SCLT1: variants seen among roughly 807,000 people sequenced by gnomAD.
SCLT1 encodes sodium channel and clathrin linker 1.
SCLT1 carries 78 observed loss-of-function variants against 112.8 expected under a neutral mutation model. The observed-to-expected ratio is 0.69, with a 90% CI of 0.58 to 0.83. The LOEUF (loss-of-function observed/expected upper bound fraction) is 0.83, where lower values mean the gene tolerates loss of function less well. Ranked by LOEUF, SCLT1 falls within the 40% of genes least tolerant of loss-of-function variation. The pLI is 0.00. For missense variants in SCLT1, 747 were observed against 770.4 expected (o/e 0.97, Z 0.36); for synonymous variants, 257 against 254.7 (o/e 1.01, Z -0.09).
At chr4:128,886,070 T>C (rs1392590108) in intron 20 of SCLT1, among the ~76,000 whole-genome samples, 2 of 152,240 alleles carry the variant, frequency 1.3e-5, no homozygotes, top group East Asian at 1.9e-4. Context: ...CTTTTTCTGA[T>C]ACAGAAATTT....
intron 18 of SCLT1, among the ~76,000 whole-genome samples, chr4:128,932,390 T>C (rs1327444861): frequency 1.3e-5 from 2 of 152,182 alleles, no homozygotes; most frequent in Non-Finnish European, 2.9e-5. Context: ...AAATCTAAAA[T>C]ATCTATAGTT....
rs116488578 is a variant in SCLT1 at position 129,056,323 on chromosome 4, T to C, written c.103-12272A>G. Among the ~76,000 whole-genome samples the C allele has an allele frequency of 3.0e-3, 451 of 152,272 alleles. 2 individuals are homozygous for C. The highest frequency in any genetic ancestry group is 0.01 in the African/African-American group (430 of 41,562). ...TCTTGGCACCTTTTTTGAAATTCAGTTGGCTGTAAATTTTGATTCTTTATT... is the reference window on the plus strand; with the variant it reads ...TCTTGGCACCTTTTTTGAAATTCAGCTGGCTGTAAATTTTGATTCTTTATT... On this transcript the variant is annotated intron_variant, in intron 2 of 20. Transcript: ENST00000281142.
At chr4:129,020,874 T>C (rs1157446656) in intron 5 of SCLT1, among the ~76,000 whole-genome samples, 1 of 152,192 alleles carries the variant, frequency 6.6e-6, no homozygotes, top group African/African-American at 2.4e-5. Flanking sequence ...GTGGTAGGTA[T>C]AGAGTGGTAG....
chr4:128,952,243 T>G (rs1738820989), intron 14 of SCLT1: 3 of 427,458 alleles, frequency 7.0e-6, no homozygotes, highest in South Asian at 5.1e-5. Flanking sequence ...AAACATTTTC[T>G]CAATTCTTGA....
chr4:128,957,242 G>T, intron 12 of SCLT1, 118 bp from the exon 13 acceptor site: 1 of 558,458 alleles, frequency 1.8e-6, no homozygotes, highest in Non-Finnish European at 3.2e-6. Flanking sequence ...ATCTCTACTT[G>T]AATATCATGT....
At chr4:128,924,132 T>C (rs1349249655) in intron 18 of SCLT1, among the ~76,000 whole-genome samples, 3 of 152,146 alleles carry the variant, frequency 2.0e-5, no homozygotes, top group African/African-American at 7.2e-5. Flanking sequence ...AAATTGTCTA[T>C]TATTACTGAG....
intron 2 of SCLT1, among the ~76,000 whole-genome samples, chr4:129,052,080 C>G (rs1255798604): frequency 1.3e-5 from 2 of 151,872 alleles, no homozygotes; most frequent in Non-Finnish European, 2.9e-5. Flanking sequence ...ATGAAGCTGA[C>G]TTGATGGTAG....
At chr4:129,016,125 A>G (rs1744973162) in intron 5 of SCLT1, among the ~76,000 whole-genome samples, 1 of 151,960 alleles carries the variant, frequency 6.6e-6, no homozygotes, top group Non-Finnish European at 1.5e-5. Flanking sequence ...TCAATATTGT[A>G]TCTTATTTCA....
chr4:128,884,787 A>G (rs546825188), intron 20 of SCLT1, among the ~76,000 whole-genome samples: 2 of 152,256 alleles, frequency 1.3e-5, no homozygotes, highest in South Asian at 4.1e-4. Flanking sequence ...CAGCCTCTTC[A>G]GTAGCCACTA....
intron 1 of SCLT1, among the ~76,000 whole-genome samples, chr4:129,091,593 G>A (rs1752826370): frequency 6.6e-6 from 1 of 151,822 alleles, no homozygotes; most frequent in African/African-American, 2.4e-5. Context: ...TATGGGGTGG[G>A]GATATTCCCA....
At chr4:128,970,710 G>A in intron 9 of SCLT1, 1 of 375,462 alleles carries the variant, frequency 2.7e-6, no homozygotes, top group African/African-American at 2.1e-5. Flanking sequence ...CTGTACTTGG[G>A]TAAATTATAT....
At chr4:128,996,914 T>G (rs545728239) in intron 8 of SCLT1, among the ~76,000 whole-genome samples, 11 of 151,974 alleles carry the variant, frequency 7.2e-5, no homozygotes, top group Admixed American at 1.3e-4. Context: ...CAATTCCAAT[T>G]CTAGGAGACA....
chr4:129,022,437 T>G (rs1745573104), intron 5 of SCLT1, among the ~76,000 whole-genome samples: 1 of 152,200 alleles, frequency 6.6e-6, no homozygotes, highest in Non-Finnish European at 1.5e-5. Flanking sequence ...ATAACCAGTT[T>G]AAAGAGGAAC....
intron 18 of SCLT1, among the ~76,000 whole-genome samples, chr4:128,899,863 A>T (rs1296896059): frequency 6.6e-6 from 1 of 152,058 alleles, no homozygotes; most frequent in Non-Finnish European, 1.5e-5. Context: ...AAATCACAAG[A>T]ATTCTTATAC....
chr4:128,980,365 GCAC>G lies in SCLT1; in HGVS notation c.687-9900_687-9898del, dbSNP rs879360840. 3.5e-3 allele frequency among the ~76,000 whole-genome samples: 530 copies of G among 152,118 alleles called. 6 individuals are homozygous for G. The highest frequency in any genetic ancestry group is 0.01 in the Middle Eastern group (3 of 294). Reference sequence around the variant, plus strand: ...ATAAGATAGTATATAAAAATTATCAGCACACACATTTTTAAAGAAAAAATATGC... The same window carrying G: ...ATAAGATAGTATATAAAAATTATCAGACACATTTTTAAAGAAAAAATATGC... On this transcript the variant is annotated intron_variant, in intron 9 of 20. Transcript: ENST00000281142.
chr4:128,911,254 G>A (rs1013128726), intron 18 of SCLT1, among the ~76,000 whole-genome samples: 1 of 152,064 alleles, frequency 6.6e-6, no homozygotes, highest in Non-Finnish European at 1.5e-5. Flanking sequence ...CAATAAGAAT[G>A]AAACTCCGTC....
chr4:129,000,307 T>C (rs541599207), intron 6 of SCLT1, among the ~76,000 whole-genome samples: 15 of 152,040 alleles, frequency 9.9e-5, no homozygotes, highest in Non-Finnish European at 2.1e-4. Context: ...GATGCATTCA[T>C]GTTTATAAAT....
rs190912641 is a variant in SCLT1 at position 128,904,668 on chromosome 4, G to A, written c.1830-13531C>T. 5.0e-4 allele frequency among the ~76,000 whole-genome samples: 76 copies of A among 152,158 alleles called. 3 individuals carry two copies. In the East Asian group the frequency reaches 0.011, roughly 22 times the overall value. On this transcript the variant is annotated intron_variant, in intron 18 of 20. Transcript: ENST00000281142. Reference sequence around the variant, plus strand: ...CACTTAAGTCCAATCAATTACGAGAGATGTTAGTAAAGCAAATCTGTAATA... The same window carrying A: ...CACTTAAGTCCAATCAATTACGAGAAATGTTAGTAAAGCAAATCTGTAATA...
chr4:128,960,154 A>G (rs1014547304), intron 11 of SCLT1, among the ~76,000 whole-genome samples: 1 of 152,130 alleles, frequency 6.6e-6, no homozygotes, highest in Non-Finnish European at 1.5e-5. Context: ...CTTTACATTT[A>G]TATGGTCTTT....
Sources: allele counts gnomAD v4.1 joint callset (sites outside exome capture counted in the v4.1 genomes callset), GRCh38; gene constraint gnomAD v4.1.1; transcripts MANE v1.5; gene names NCBI Gene and HGNC (gene_info 2026-07-23, HGNC 2026-07-21).